Variants in B4GALT4 observed in about 807,000 individuals in gnomAD.
The protein encoded by B4GALT4 is N-acetyllactosamine synthase.
A neutral mutation model predicts 37.3 loss-of-function variants in B4GALT4; 27 were observed. That is an observed-to-expected ratio of 0.72 (90% CI 0.53 to 1.00). The LOEUF (loss-of-function observed/expected upper bound fraction) is 1.00, where lower values mean the gene tolerates loss of function less well. Ranked by LOEUF, B4GALT4 falls within the 50% of genes least tolerant of loss-of-function variation. The pLI, the probability that B4GALT4 is intolerant of heterozygous loss-of-function variation, is 0.00. For missense variants in B4GALT4, 372 were observed against 413.1 expected (o/e 0.90, Z 0.86); for synonymous variants, 148 against 154.1 (o/e 0.96, Z 0.29).
chr3:119,239,003 G>A (rs770442989), intron 1 of B4GALT4, among the ~76,000 whole-genome samples: 61 of 152,156 alleles, frequency 4.0e-4, no homozygotes, highest in Non-Finnish European at 7.8e-4. Flanking sequence ...CAGCCCCAGA[G>A]ATTTTTATTT....
At chr3:119,224,348 A>C in intron 4 of B4GALT4, 103 bp from the exon 5 acceptor site, 1 of 728,996 alleles carries the variant, frequency 1.4e-6, no homozygotes. Flanking sequence ...TAATTATTCT[A>C]CGCACGAGAC....
rs529384281 is a variant in B4GALT4, at chr3:119,230,541, T to A, written c.-145-297A>T. On this transcript the variant is annotated intron_variant, in intron 2 of 7. Coordinates refer to ENST00000393765, the MANE Select transcript of B4GALT4 (RefSeq NM_003778.4). ...AGGAGACAAGGAGACTGCAAAGACC[T>A]GAGCTGGACACAGCCTAAGACATAG... Among the ~76,000 whole-genome samples, 3 of 152,332 alleles carry A rather than the reference T, an allele frequency of 2.0e-5. No individual in the cohort carries two copies. The South Asian group carries it at 6.2e-4, about 32-fold the overall frequency.
Position 119,230,031 on chromosome 3 carries a change from C to G in B4GALT4, c.69G>C (p.Leu23=). 1.9e-6 allele frequency: 3 copies of G among 1,614,198 alleles called. No individual in the cohort carries two copies. Among genetic ancestry groups the G allele is most frequent in the Non-Finnish European group, 2.5e-6 (3 of 1,180,028 alleles). Residue 23 remains leucine (L), a synonymous_variant, in exon 3 of 8, where the codon CTG becomes CTC. Transcript: ENST00000393765. ...TACTGGTGGCCCACCCAACCACTGT[C>G]AGGCACAAAGTCAACAGCAACAGTA... ...FRLLLLLTLC[L]TVVGWATSNY...
chr3:119,236,207 T>C (rs1271938767), intron 2 of B4GALT4: 2 of 150,952 alleles, frequency 1.3e-5, no homozygotes, highest in African/African-American at 2.4e-5. Context: ...ATCAAAATCA[T>C]GAAAGACGAG....
At chr3:119,216,057 G>C (rs1386816069) in intron 7 of B4GALT4, 183 bp downstream of exon 7, 3 of 374,770 alleles carry the variant, frequency 8.0e-6, no homozygotes, top group Non-Finnish European at 1.4e-5. Context: ...GCCATGAGTT[G>C]AGAACTGTAG....
rs2078170087 is a variant in B4GALT4, at chr3:119,211,825, A to T, written c.*724T>A. The stretch of plus-strand genomic sequence containing the variant: ...GTAAACTTGTAAACTGCTAATTCAT[A>T]TCCTACTTGTACAAAATCATTTTAC... On this transcript the variant is annotated 3_prime_UTR_variant, in exon 8 of 8. Coordinates refer to ENST00000393765, the MANE Select transcript of B4GALT4 (RefSeq NM_003778.4). 3.5e-6 allele frequency: 1 copy of T among 282,946 alleles called. No homozygotes were observed. The highest frequency in any genetic ancestry group is 2.1e-5 in the African/African-American group (1 of 46,644). 17.5% of individuals were successfully genotyped at this position (282,946 alleles called of 1,614,324 possible). A position where few individuals can be genotyped will look rare whatever the true frequency, so the allele number is the denominator to read the frequency against.
Position 119,211,936 on chromosome 3 carries a change from T to G in B4GALT4, c.*613A>C, listed in dbSNP as rs72655943. The G allele has an allele frequency of 3.6e-6, 2 of 549,840 alleles. No homozygotes were observed. The highest frequency in any genetic ancestry group is 6.5e-6 in the Non-Finnish European group (2 of 309,706). 34.1% of individuals were successfully genotyped at this position (549,840 alleles called of 1,614,324 possible). On this transcript the variant is annotated 3_prime_UTR_variant, in exon 8 of 8. Transcript: ENST00000393765. ...CCTGGGCAGGTCCTCCCCTGAAGGC[T>G]ATCAGCAGCTGCAACCAGCTCAGCT...
In B4GALT4 at chr3:119,230,234, G is replaced by T; in HGVS notation, c.-135C>A. ...ATGCCTGGTTTTTCTCAGTAGTTCTGCTCCAACAGTCTAAAACGCAATCAC... is the reference window on the plus strand; with the variant it reads ...ATGCCTGGTTTTTCTCAGTAGTTCTTCTCCAACAGTCTAAAACGCAATCAC... On this transcript the variant is annotated 5_prime_UTR_variant, in exon 3 of 8. Transcript: ENST00000393765. 3 of 1,143,144 alleles carry T rather than the reference G, an allele frequency of 2.6e-6. No homozygotes were observed. Among genetic ancestry groups the T allele is most frequent in the Non-Finnish European group, 3.7e-6 (3 of 806,752 alleles). 70.8% of individuals were successfully genotyped at this position (1,143,144 alleles called of 1,614,324 possible).
At chr3:119,228,025 A>C (rs963317436) in intron 3 of B4GALT4, among the ~76,000 whole-genome samples, 2 of 152,218 alleles carry the variant, frequency 1.3e-5, no homozygotes, top group African/African-American at 4.8e-5. Context: ...TACATGCAAG[A>C]CACAGCAGTC....
chr3:119,215,644 A>C (rs953681575), intron 7 of B4GALT4: 2 of 152,248 alleles, frequency 1.3e-5, no homozygotes, highest in Non-Finnish European at 2.9e-5. Flanking sequence ...ATTAAGTTAT[A>C]CTACCAGGAT....
intron 1 of B4GALT4, among the ~76,000 whole-genome samples, chr3:119,237,783 A>G (rs1193501578): frequency 6.6e-6 from 1 of 152,238 alleles, no homozygotes; most frequent in Non-Finnish European, 1.5e-5. Flanking sequence ...AGAGAGGTAT[A>G]CCATGATATT....
At chr3:119,232,153 C>A (rs1385194684) in intron 2 of B4GALT4, among the ~76,000 whole-genome samples, 1 of 152,010 alleles carries the variant, frequency 6.6e-6, no homozygotes, top group Non-Finnish European at 1.5e-5. Flanking sequence ...GAGGTTAGTT[C>A]TTGGGGAATG....
chr3:119,217,395 G>A (rs1048686546), intron 6 of B4GALT4, among the ~76,000 whole-genome samples: 5 of 152,170 alleles, frequency 3.3e-5, no homozygotes. Flanking sequence ...CCCTGGTCAG[G>A]GGAATCCACT....
chr3:119,238,303 A>C (rs903096157), intron 1 of B4GALT4, among the ~76,000 whole-genome samples: 2 of 151,486 alleles, frequency 1.3e-5, no homozygotes, highest in South Asian at 4.2e-4. Context: ...ATATAATACC[A>C]ATTATGCAAT....
chr3:119,217,497 A>G (rs532959753), intron 6 of B4GALT4, among the ~76,000 whole-genome samples: 5 of 152,276 alleles, frequency 3.3e-5, no homozygotes, highest in South Asian at 2.1e-4. Context: ...TGAGGCAACA[A>G]AAAAATTTCT....
At chr3:119,219,050 G>A (rs1225665526) in intron 5 of B4GALT4, among the ~76,000 whole-genome samples, 2 of 152,160 alleles carry the variant, frequency 1.3e-5, no homozygotes, top group Admixed American at 1.3e-4. Flanking sequence ...ACCTGTCAAT[G>A]TGAACCACAC....
At chr3:119,220,496 A>G (rs559810170) in intron 5 of B4GALT4, among the ~76,000 whole-genome samples, 4 of 152,354 alleles carry the variant, frequency 2.6e-5, no homozygotes, top group Non-Finnish European at 5.9e-5. Flanking sequence ...GGTGAACATT[A>G]TCAGGGTTCT....
chr3:119,231,509 T>A (rs1253243189), intron 2 of B4GALT4, among the ~76,000 whole-genome samples: 1 of 151,734 alleles, frequency 6.6e-6, no homozygotes, highest in African/African-American at 2.4e-5. Flanking sequence ...TGCTAAATAA[T>A]CACATGGAAA....
intron 4 of B4GALT4, 124 bp downstream of exon 4, chr3:119,226,685 A>C: frequency 3.8e-6 from 3 of 784,720 alleles, no homozygotes; most frequent in Non-Finnish European, 6.1e-6. Flanking sequence ...AAATGAGGTA[A>C]GAGAACTCGT....
Sources: gnomAD v4.1 joint callset for allele counts (sites outside exome capture counted in the v4.1 genomes callset) on GRCh38, gnomAD v4.1.1 for gene constraint, MANE v1.5 for transcripts, NCBI Gene and HGNC (gene_info 2026-07-23, HGNC 2026-07-21) for gene names.